Variants in ADGRL2 observed in about 807,000 individuals in gnomAD.
The protein encoded by ADGRL2 is adhesion G protein-coupled receptor L2.
In ADGRL2, 44 loss-of-function variants were observed where a neutral mutation model predicts 157.4. That is an observed-to-expected ratio of 0.28 (90% CI 0.22 to 0.36). The LOEUF is 0.36. ADGRL2 is among the 10% of genes least tolerant of loss of function. The pLI is 1.00. For synonymous variants in ADGRL2, 585 were observed against 624.7 expected (o/e 0.94, Z 0.95); for missense variants, 1,510 against 1,768.9 (o/e 0.85, Z 2.63).
At chr1:81,780,719 A>G (rs1448310111) in intron 2 of ADGRL2, among the ~76,000 whole-genome samples, 1 of 152,170 alleles carries the variant, frequency 6.6e-6, no homozygotes, top group East Asian at 1.9e-4. Context: ...GTAAGGTGGT[A>G]TTGTAATGAT....
chr1:81,972,067 AT>A (rs1366094705), intron 17 of ADGRL2, 149 bp downstream of exon 17: 4 of 431,246 alleles, frequency 9.3e-6, no homozygotes, highest in African/African-American at 2.0e-5. Context: ...TATTTTAAAT[AT>A]TTTTTATAAA....
chr1:81,459,454 A>G (rs559708061), intron 2 of ADGRL2, among the ~76,000 whole-genome samples: 2 of 152,256 alleles, frequency 1.3e-5, no homozygotes, highest in South Asian at 4.1e-4. Context: ...ATTTCACATA[A>G]CATAATGTTC....
Position 81,906,679 on chromosome 1 carries a change from G to C in ADGRL2, c.74-338G>C, listed in dbSNP as rs200117993. Among the ~76,000 whole-genome samples, 17 of 151,774 alleles carry C rather than the reference G, an allele frequency of 1.1e-4. No individual in the cohort carries two copies. In the East Asian group the frequency reaches 2.9e-3, roughly 26 times the overall value. On this transcript the variant is annotated intron_variant, in intron 2 of 23. Coordinates refer to ENST00000686636, the MANE Select transcript of ADGRL2 (RefSeq NM_001366006.2). ...ACAAATGAAAATTCTTTCTTGATTA[G>C]TAGTTATATTTTCTGTTTGTAAAAC...
At chr1:81,584,689 A>G (rs2080987796) in intron 3 of ADGRL2, among the ~76,000 whole-genome samples, 1 of 152,182 alleles carries the variant, frequency 6.6e-6, no homozygotes, top group African/African-American at 2.4e-5. Context: ...ATGGCCTGTC[A>G]TATAAACTTC....
chr1:81,826,171 C>T (rs1415550107), intron 1 of ADGRL2, among the ~76,000 whole-genome samples: 1 of 152,046 alleles, frequency 6.6e-6, no homozygotes, highest in African/African-American at 2.4e-5. Flanking sequence ...TGCATACATG[C>T]ACATATATAT....
At chr1:81,693,262 G>A (rs937426) in intron 3 of ADGRL2, among the ~76,000 whole-genome samples, 25,882 of 151,908 alleles carry the variant, frequency 0.17, 2,430 homozygotes, top group Admixed American at 0.28. Context: ...CCACTCTCCC[G>A]TCTCCCGACT....
intron 1 of ADGRL2, among the ~76,000 whole-genome samples, chr1:81,738,714 T>C (rs2084979955): frequency 6.6e-6 from 1 of 152,214 alleles, no homozygotes; most frequent in Non-Finnish European, 1.5e-5. Flanking sequence ...TGGTGTGATC[T>C]TCCTACCCCC....
Position 81,945,545 on chromosome 1 carries a change from T to C in ADGRL2, c.1210+1776T>C, listed in dbSNP as rs534018328. ...CATTACCCATCTACTTGCCACAAAG[T>C]ACTTCAGCAAATACAAAGATGGTTA... On this transcript the variant is annotated intron_variant, in intron 6 of 23. Transcript: ENST00000686636. 2.4e-4 allele frequency among the ~76,000 whole-genome samples: 37 copies of C among 152,264 alleles called. No homozygotes were observed. In the East Asian group the frequency reaches 7.0e-3, roughly 29 times the overall value.
intron 3 of ADGRL2, among the ~76,000 whole-genome samples, chr1:81,626,899 G>A (rs373156014): frequency 4.2e-4 from 64 of 152,210 alleles, no homozygotes; most frequent in African/African-American, 1.4e-3. Context: ...TTATACATTC[G>A]TGAACACCAG....
At chr1:81,368,255 T>G (rs761648255) in intron 1 of ADGRL2, among the ~76,000 whole-genome samples, 1 of 152,254 alleles carries the variant, frequency 6.6e-6, no homozygotes, top group Non-Finnish European at 1.5e-5. Context: ...ATTGTGGTTT[T>G]GATTTGCATT....
intron 1 of ADGRL2, among the ~76,000 whole-genome samples, chr1:81,323,808 A>C (rs978891547): frequency 6.6e-6 from 1 of 152,222 alleles, no homozygotes; most frequent in Admixed American, 6.5e-5. Context: ...AGCAATGAGA[A>C]TAGCATATGC....
At chr1:81,448,056 A>G (rs771054541) in intron 2 of ADGRL2, among the ~76,000 whole-genome samples, 11 of 151,584 alleles carry the variant, frequency 7.3e-5, no homozygotes, top group Non-Finnish European at 1.2e-4. Context: ...AGGCCTCCCA[A>G]GAAGATCCTG....
At chr1:81,361,935 TG>T (rs995220000) in intron 1 of ADGRL2, among the ~76,000 whole-genome samples, 1 of 151,366 alleles carries the variant, frequency 6.6e-6, no homozygotes, top group African/African-American at 2.4e-5. Flanking sequence ...GCATACACTA[TG>T]GTTTTTTTTT....
At chr1:81,440,790 T>G (rs1253638113) in intron 1 of ADGRL2, among the ~76,000 whole-genome samples, 1 of 152,222 alleles carries the variant, frequency 6.6e-6, no homozygotes, top group Non-Finnish European at 1.5e-5. Flanking sequence ...TCTCTTCCTT[T>G]TCCCTTACTG....
intron 2 of ADGRL2, among the ~76,000 whole-genome samples, chr1:81,501,251 G>A (rs2078839843): frequency 6.6e-6 from 1 of 152,166 alleles, no homozygotes; most frequent in African/African-American, 2.4e-5. Context: ...TAGCATTTTA[G>A]CCTTCAAACT....
intron 2 of ADGRL2, among the ~76,000 whole-genome samples, chr1:81,505,529 C>CAG (rs1211882523): frequency 6.6e-6 from 1 of 150,694 alleles, no homozygotes; most frequent in Non-Finnish European, 1.5e-5. Flanking sequence ...TCAAGGACAA[C>CAG]AGCAGGGTGT....
intron 3 of ADGRL2, among the ~76,000 whole-genome samples, chr1:81,931,178 T>C (rs2095223099): frequency 6.6e-6 from 1 of 151,930 alleles, no homozygotes; most frequent in African/African-American, 2.4e-5. Context: ...TAAACAAAAT[T>C]CAGTGTTTTG....
chr1:81,692,785 A>G (rs1247593015), intron 3 of ADGRL2, among the ~76,000 whole-genome samples: 1 of 152,204 alleles, frequency 6.6e-6, no homozygotes, highest in Non-Finnish European at 1.5e-5. Context: ...TAAAACATTC[A>G]ATTAGATGTC....
chr1:81,642,101 A>C (rs2148806513), intron 3 of ADGRL2, among the ~76,000 whole-genome samples: 1 of 149,508 alleles, frequency 6.7e-6, no homozygotes, highest in Non-Finnish European at 1.5e-5. Flanking sequence ...AAAAAAAATT[A>C]GCCAGGTGTG....
Sources: gnomAD v4.1 joint callset for allele counts (sites outside exome capture counted in the v4.1 genomes callset) on GRCh38, gnomAD v4.1.1 for gene constraint, MANE v1.5 for transcripts, NCBI Gene and HGNC (gene_info 2026-07-23, HGNC 2026-07-21) for gene names.